The following LMBRD1 variants were observed in gnomAD, a reference collection of about 807,000 sequenced individuals.
The protein encoded by LMBRD1 is LMBR1 domain containing 1.
Under a neutral mutation model 74.8 loss-of-function variants are expected in LMBRD1, and 64 were observed. The ratio of observed to expected loss-of-function variants is 0.86; its 90% CI spans 0.70 to 1.05. The LOEUF (loss-of-function observed/expected upper bound fraction) is 1.05. LMBRD1 is among the 50% of genes least tolerant of loss of function. The pLI is 0.00. For synonymous variants in LMBRD1, 204 were observed against 216.3 expected, an observed-to-expected ratio of 0.94 and a Z score of 0.50; for missense variants, 652 against 645.9, an observed-to-expected ratio of 1.01 and a Z score of -0.10.
intron 5 of LMBRD1, among the ~76,000 whole-genome samples, chr6:69,748,344 CA>C (rs200596789): frequency 0.016 from 2,448 of 151,578 alleles, 52 homozygotes; most frequent in African/African-American, 0.055. Flanking sequence ...TTTAAAAAGC[CA>C]AAAAAATACT....
intron 3 of LMBRD1, among the ~76,000 whole-genome samples, chr6:69,753,938 C>CA (rs201669814): frequency 0.031 from 3,331 of 105,994 alleles, 99 homozygotes; most frequent in African/African-American, 0.095. Flanking sequence ...GACTCCGTCT[C>CA]AAAAAAAAAA....
At chr6:69,753,209 C>T (rs1412264944) in intron 3 of LMBRD1, among the ~76,000 whole-genome samples, 2 of 152,038 alleles carry the variant, frequency 1.3e-5, no homozygotes, top group African/African-American at 4.8e-5. Context: ...GTACCTTTAA[C>T]AATAAAAACA....
intron 6 of LMBRD1, among the ~76,000 whole-genome samples, chr6:69,740,124 T>C (rs1355639421): frequency 1.3e-5 from 2 of 151,520 alleles, no homozygotes; most frequent in Non-Finnish European, 2.9e-5. Context: ...AATCAATCAA[T>C]CAATAAAAAG....
chr6:69,691,147 C>CTTTTTTTTTTTTTTTTTTTTTTTTTTT (rs67075550), intron 14 of LMBRD1, among the ~76,000 whole-genome samples: 1 of 138,526 alleles, frequency 7.2e-6, no homozygotes. Context: ...GCCTCTCTCT[C>CTTTTTTTTTTTTTTTTTTTTTTTTTTT]TCTTTTTTTT....
intron 2 of LMBRD1, among the ~76,000 whole-genome samples, chr6:69,790,086 C>A (rs1042783732): frequency 6.6e-6 from 1 of 152,212 alleles, no homozygotes; most frequent in Non-Finnish European, 1.5e-5. Context: ...TTACTTAAAG[C>A]ATTTGCAGGG....
chr6:69,745,800 T>G (rs1202284293), intron 5 of LMBRD1: 1 of 152,700 alleles, frequency 6.5e-6, no homozygotes, highest in Non-Finnish European at 1.5e-5. Context: ...CATATGTTGC[T>G]GGCTCTCTGC....
chr6:69,729,133 T>C (rs1438078066), intron 7 of LMBRD1, among the ~76,000 whole-genome samples: 1 of 150,854 alleles, frequency 6.6e-6, no homozygotes, highest in African/African-American at 2.4e-5. Flanking sequence ...TGTTCATAGT[T>C]CTTAAAACAC....
chr6:69,795,553 A>G (rs1428649733), intron 1 of LMBRD1, among the ~76,000 whole-genome samples: 1 of 152,226 alleles, frequency 6.6e-6, no homozygotes, highest in Non-Finnish European at 1.5e-5. Context: ...ACTTTCATAC[A>G]TTACATGCTT....
chr6:69,743,034 T>G (rs1767138239), intron 5 of LMBRD1, among the ~76,000 whole-genome samples: 1 of 152,066 alleles, frequency 6.6e-6, no homozygotes, highest in Non-Finnish European at 1.5e-5. Flanking sequence ...GCCCCAGGTA[T>G]GAAATCAAAC....
intron 7 of LMBRD1, among the ~76,000 whole-genome samples, chr6:69,723,797 G>A (rs1766668162): frequency 6.6e-6 from 1 of 151,726 alleles, no homozygotes; most frequent in Non-Finnish European, 1.5e-5. Context: ...CCAAAATTAG[G>A]AGAAGGAAAG....
At chr6:69,698,434 C>A (rs1766053124) in intron 13 of LMBRD1, among the ~76,000 whole-genome samples, 1 of 151,808 alleles carries the variant, frequency 6.6e-6, no homozygotes, top group Non-Finnish European at 1.5e-5. Context: ...AGAAGTAGAG[C>A]AAAAGGTATT....
intron 2 of LMBRD1, among the ~76,000 whole-genome samples, chr6:69,789,972 G>A (rs1766042371): frequency 6.6e-6 from 1 of 152,220 alleles, no homozygotes; most frequent in Non-Finnish European, 1.5e-5. Context: ...ATCCTGATCT[G>A]CCACTAACAA....
chr6:69,744,602 G>A (rs1767177659), intron 5 of LMBRD1, among the ~76,000 whole-genome samples: 1 of 152,174 alleles, frequency 6.6e-6, no homozygotes. Context: ...TGGAAATGAT[G>A]AATTCAGCAT....
chr6:69,697,703 A>T, intron 13 of LMBRD1, 62 bp from the exon 14 acceptor site: 2 of 995,920 alleles, frequency 2.0e-6, no homozygotes, highest in Non-Finnish European at 3.2e-6. Context: ...TTGGATTTAA[A>T]AAGTAATCAC....
chr6:69,740,875 T>G (rs1319297698), intron 6 of LMBRD1, among the ~76,000 whole-genome samples: 2 of 152,172 alleles, frequency 1.3e-5, no homozygotes, highest in Non-Finnish European at 2.9e-5. Context: ...TAATGCCAGT[T>G]ATTTTTTCAA....
intron 4 of LMBRD1, among the ~76,000 whole-genome samples, chr6:69,752,024 C>G (rs1399626591): frequency 6.6e-6 from 1 of 152,044 alleles, no homozygotes; most frequent in Non-Finnish European, 1.5e-5. Context: ...AGAAAAGAAA[C>G]TTAATATTTC....
In LMBRD1 at chr6:69,790,475, G is replaced by C; in HGVS notation, c.70-3C>G. On this transcript the variant is annotated splice_region_variant and splice_polypyrimidine_tract_variant and intron_variant, in intron 1 of 15. Coordinates refer to ENST00000649934, the MANE Select transcript of LMBRD1 (RefSeq NM_018368.4). Reference sequence around the variant, plus strand: ...ATCCAGCAGAATGCCAAAATAGCCTGAAATAGAACAAAAAGAGATGTTTGT... The same window carrying C: ...ATCCAGCAGAATGCCAAAATAGCCTCAAATAGAACAAAAAGAGATGTTTGT... 1 of 1,613,406 alleles carries C rather than the reference G, an allele frequency of 6.2e-7. No homozygotes were observed. Among genetic ancestry groups the C allele is most frequent in the Non-Finnish European group, 8.5e-7 (1 of 1,179,498 alleles).
intron 5 of LMBRD1, among the ~76,000 whole-genome samples, chr6:69,742,178 T>C (rs1315045557): frequency 6.6e-6 from 1 of 152,050 alleles, no homozygotes; most frequent in Non-Finnish European, 1.5e-5. Context: ...ATTTTGAGAA[T>C]GGACCACAGG....
At chr6:69,792,000 C>G (rs1453512999) in intron 1 of LMBRD1, among the ~76,000 whole-genome samples, 1 of 152,212 alleles carries the variant, frequency 6.6e-6, no homozygotes. Flanking sequence ...CAATCACACA[C>G]CTACCAGCAC....
Sources: allele counts gnomAD v4.1 joint callset (sites outside exome capture counted in the v4.1 genomes callset), GRCh38; gene constraint gnomAD v4.1.1; transcripts MANE v1.5; gene names NCBI Gene and HGNC (gene_info 2026-07-23, HGNC 2026-07-21).